Variants in NICN1 observed in about 807,000 individuals in gnomAD.
The protein encoded by NICN1 is nicolin 1, tubulin polyglutamylase complex subunit.
Under a neutral mutation model 26.3 loss-of-function variants are expected in NICN1, and 18 were observed. That is an observed-to-expected ratio of 0.68 (90% CI 0.47 to 1.01). The LOEUF (loss-of-function observed/expected upper bound fraction) is 1.01, where lower values mean the gene tolerates loss of function less well. NICN1 is among the 50% of genes least tolerant of loss of function. NICN1 has a pLI of 0.00. For missense variants in NICN1, 239 were observed against 278.3 expected, an observed-to-expected ratio of 0.86 and a Z score of 1.00; for synonymous variants, 109 against 111.0, an observed-to-expected ratio of 0.98 and a Z score of 0.11.
Position 49,426,312 on chromosome 3 carries a change from T to G in NICN1, c.249A>C (p.Leu83=). The part of the protein sequence containing the change: ...KWVTCLRDYC[L]MPDPHSEEGA... Reference sequence around the variant, plus strand: ...CCTCCTCACTGTGTGGGTCAGGCATTAGGCAGTAGTCCCGCAGGCAGGTCA... The same window carrying G: ...CCTCCTCACTGTGTGGGTCAGGCATGAGGCAGTAGTCCCGCAGGCAGGTCA... The change falls in exon 2 of 6, where the codon CTA becomes CTC. Residue 83 remains leucine, a synonymous_variant. Transcript: ENST00000273598. 6.2e-7 allele frequency: 1 copy of G among 1,614,188 alleles called. No homozygotes were observed. The highest frequency in any genetic ancestry group is 8.5e-7 in the Non-Finnish European group (1 of 1,180,026).
At chr3:49,428,637 C>G (rs1326387898) in intron 1 of NICN1, among the ~76,000 whole-genome samples, 1 of 151,046 alleles carries the variant, frequency 6.6e-6, no homozygotes, top group Non-Finnish European at 1.5e-5. Flanking sequence ...AGGAGAAGCG[C>G]TTGAACCCGG....
chr3:49,422,487 C>T lies in NICN1; in HGVS notation c.*2346G>A. ...ACGAGTGCAGACGGCGCACAGAGGC[C>T]ACCACACTGCCAGGCACGCCGGGAG... On this transcript the variant is annotated 3_prime_UTR_variant, in exon 6 of 6. Transcript: ENST00000273598. 6.3e-7 allele frequency: 1 copy of T among 1,598,044 alleles called. No homozygotes were observed. The highest frequency in any genetic ancestry group is 8.6e-7 in the Non-Finnish European group (1 of 1,168,886).
chr3:49,426,901 AACC>A (rs1379025668), intron 1 of NICN1, among the ~76,000 whole-genome samples: 1 of 152,200 alleles, frequency 6.6e-6, no homozygotes, highest in Non-Finnish European at 1.5e-5. Context: ...CCTGGAAACA[AACC>A]ACGACTGCAG....
chr3:49,423,009 G>A lies in NICN1; in HGVS notation c.*1824C>T, dbSNP rs1185925055. 9.1e-6 allele frequency: 2 copies of A among 219,608 alleles called. No homozygotes were observed. The highest frequency in any genetic ancestry group is 1.9e-5 in the Non-Finnish European group (2 of 106,506). The allele number at this position is 219,608 out of a possible 1,614,324, so 13.6% of individuals were successfully genotyped here. ...GGCCCTCAGATGGGGACACAGCCAC[G>A]AATGAAGCATGGTCCCTGCTACCAC... On this transcript the variant is annotated 3_prime_UTR_variant, in exon 6 of 6. Transcript: ENST00000273598.
rs2049199377 is a variant in NICN1 at position 49,429,216 on chromosome 3, G to A, written c.24C>T (p.Cys8=). Residue 8 remains cysteine (C), a synonymous_variant, in exon 1 of 6, where the codon TGC becomes TGT. Coordinates refer to ENST00000273598, the MANE Select transcript of NICN1 (RefSeq NM_032316.3). The stretch of plus-strand genomic sequence containing the variant: ...GGAGGGCTACGGAGCCTTTCACATG[G>A]CAAGGCACCAAAACGCGGGACATGG... MSRVLVP[C]HVKGSVALQV... is the part of the protein sequence containing the mutation. 7 of 1,607,632 alleles carry A rather than the reference G, an allele frequency of 4.4e-6. No individual in the cohort carries two copies. Among genetic ancestry groups the A allele is most frequent in the South Asian group, 1.1e-5 (1 of 90,540 alleles).
chr3:49,426,261 G>A lies in NICN1; in HGVS notation c.300C>T (p.Phe100=). The change falls in exon 2 of 6, where the codon TTC becomes TTT. Residue 100 remains phenylalanine, a synonymous_variant. Coordinates refer to ENST00000273598, the MANE Select transcript of NICN1 (RefSeq NM_032316.3). The part of the protein sequence containing the change: ...EEGAQEYVSL[F]KHQMLCDMAR... ...CTGAGGCCCAGCTGACCTGATGCTT[G>A]AACAGCGATACATACTCCTGGGCTC... is the stretch of plus-strand genomic sequence containing the variant. The A allele has an allele frequency of 6.2e-7, 1 of 1,613,988 alleles. No individual in the cohort carries two copies. The highest frequency in any genetic ancestry group is 1.1e-5 in the South Asian group (1 of 91,050).
At chr3:49,427,102 A>T (rs146968452) in intron 1 of NICN1, among the ~76,000 whole-genome samples, 1 of 152,086 alleles carries the variant, frequency 6.6e-6, no homozygotes, top group Non-Finnish European at 1.5e-5. Context: ...CGGGCGGATC[A>T]CAAGGTCAGG....
Position 49,423,283 on chromosome 3 carries a change from A to C in NICN1, c.*1550T>G, listed in dbSNP as rs1215461842. The C allele has an allele frequency of 6.6e-6, 1 of 152,374 alleles. No homozygotes were observed. The highest frequency in any genetic ancestry group is 1.9e-4 in the East Asian group (1 of 5,188). The allele number at this position is 152,374 out of a possible 1,614,324, so 9.4% of individuals were successfully genotyped here. On this transcript the variant is annotated 3_prime_UTR_variant, in exon 6 of 6. Coordinates refer to ENST00000273598, the MANE Select transcript of NICN1 (RefSeq NM_032316.3). Reference sequence around the variant, plus strand: ...TGCTTTGTAATAGCCACCAGGTGCAAAGCCAGGAAGAACCAGAGGGAAACA... The same window carrying C: ...TGCTTTGTAATAGCCACCAGGTGCACAGCCAGGAAGAACCAGAGGGAAACA...
Position 49,424,645 on chromosome 3 carries a change from C to T in NICN1, c.*188G>A. On this transcript the variant is annotated 3_prime_UTR_variant, in exon 6 of 6. Transcript: ENST00000273598. Reference sequence around the variant, plus strand: ...CAGCCAGGCGAAGACAGAGCACCCCCATGCCAGGAGCTCATGCTGAAGTAA... The same window carrying T: ...CAGCCAGGCGAAGACAGAGCACCCCTATGCCAGGAGCTCATGCTGAAGTAA... The T allele has an allele frequency of 1.6e-6, 1 of 628,144 alleles. No individual in the cohort carries two copies. Among genetic ancestry groups the T allele is most frequent in the Non-Finnish European group, 2.9e-6 (1 of 350,038 alleles). 38.9% of individuals were successfully genotyped at this position (628,144 alleles called of 1,614,324 possible).
chr3:49,429,286 A>G lies in NICN1; in HGVS notation c.-47T>C. On this transcript the variant is annotated 5_prime_UTR_variant, in exon 1 of 6. Transcript: ENST00000273598. ...GTGCAACCGCCGCTCTAGGCCCCCG[A>G]CCACCAGCCCTTCCCGGCATCCTCA... The G allele has an allele frequency of 6.5e-7, 1 of 1,539,840 alleles. No individual in the cohort carries two copies. The highest frequency in any genetic ancestry group is 8.8e-7 in the Non-Finnish European group (1 of 1,139,386).
chr3:49,428,865 G>A (rs1264421746), intron 1 of NICN1, among the ~76,000 whole-genome samples: 1 of 152,082 alleles, frequency 6.6e-6, no homozygotes, highest in Non-Finnish European at 1.5e-5. Context: ...GCCCACTCTC[G>A]CCACCTGCAT....
At chr3:49,425,498 T>C in intron 3 of NICN1, 60 bp from the exon 4 acceptor site, 2 of 1,413,968 alleles carry the variant, frequency 1.4e-6, no homozygotes, top group Non-Finnish European at 1.9e-6. Flanking sequence ...GGGACCAGAT[T>C]CCAAGGTCCT....
chr3:49,425,549 A>G (rs376075951), intron 3 of NICN1, 111 bp from the exon 4 acceptor site: 1 of 870,052 alleles, frequency 1.1e-6, no homozygotes, highest in Non-Finnish European at 1.8e-6. Context: ...GACACTGGGA[A>G]AACCCTGTTT....
rs1443089350 is a variant in NICN1, at chr3:49,422,344, A to G, written c.*2489T>C. ...CTTCCCTCCCCCACCCTCCAAGATC[A>G]GCACCCTCTATCCCACCTGTGCGCA... is the stretch of plus-strand genomic sequence containing the variant. On this transcript the variant is annotated 3_prime_UTR_variant, in exon 6 of 6. Transcript: ENST00000273598. The G allele has an allele frequency of 6.2e-7, 1 of 1,609,198 alleles. No homozygotes were observed. Among genetic ancestry groups the G allele is most frequent in the African/African-American group, 1.4e-5 (1 of 73,300 alleles).
At chr3:49,425,328 G>A in intron 4 of NICN1, 39 bp downstream of exon 4, 1 of 1,529,638 alleles carries the variant, frequency 6.5e-7, no homozygotes, top group Non-Finnish European at 9.0e-7. Flanking sequence ...GGACACTAGA[G>A]CCATTCACAC....
intron 4 of NICN1, 91 bp downstream of exon 4, chr3:49,425,276 A>G (rs1271422071): frequency 8.7e-7 from 1 of 1,151,346 alleles, no homozygotes; most frequent in African/African-American, 1.5e-5. Context: ...CCCTGGGCCC[A>G]GCCCCAGAAT....
At chr3:49,427,224 G>A (rs2049180166) in intron 1 of NICN1, among the ~76,000 whole-genome samples, 1 of 151,938 alleles carries the variant, frequency 6.6e-6, no homozygotes, top group South Asian at 2.1e-4. Flanking sequence ...GGGAGGCTGA[G>A]GCAGGAGAAT....
rs543283323 is a variant in NICN1, at chr3:49,425,275, C to T, written c.495+92G>A. ...AGATAACACCCAAGGGCCCTGGGCCCAGCCCCAGAATTTTACAGGAAGGGG... is the reference window on the plus strand; with the variant it reads ...AGATAACACCCAAGGGCCCTGGGCCTAGCCCCAGAATTTTACAGGAAGGGG... On this transcript the variant is annotated intron_variant, in intron 4 of 5. Coordinates refer to ENST00000273598, the MANE Select transcript of NICN1 (RefSeq NM_032316.3). The T allele has an allele frequency of 3.5e-6, 4 of 1,147,840 alleles. No individual in the cohort carries two copies. The East Asian group carries it at 7.4e-5, about 21-fold the overall frequency. The allele number at this position is 1,147,840 out of a possible 1,614,324, so 71.1% of individuals were successfully genotyped here.
chr3:49,425,623 A>T (rs2049163709), intron 3 of NICN1, among the ~76,000 whole-genome samples, 185 bp from the exon 4 acceptor site: 1 of 152,130 alleles, frequency 6.6e-6, no homozygotes, highest in African/African-American at 2.4e-5. Context: ...GTGCAGACGG[A>T]GTCCTCAGAA....
Sources: gnomAD v4.1 joint callset for allele counts (sites outside exome capture counted in the v4.1 genomes callset) on GRCh38, gnomAD v4.1.1 for gene constraint, MANE v1.5 for transcripts, NCBI Gene and HGNC (gene_info 2026-07-23, HGNC 2026-07-21) for gene names.